Variants in CTSH observed in about 807,000 individuals in gnomAD.
CTSH encodes cathepsin H.
Under a neutral mutation model 56.3 loss-of-function variants are expected in CTSH, and 52 were observed. The ratio of observed to expected loss-of-function variants is 0.92; its 90% CI spans 0.74 to 1.16. The LOEUF is 1.16. CTSH is among the 50% of genes most tolerant of loss of function. CTSH has a pLI of 0.00. For synonymous variants in CTSH, 174 were observed against 155.7 expected (o/e 1.12, Z -0.88); for missense variants, 406 against 424.5 (o/e 0.96, Z 0.38).
chr15:78,940,746 G>T (rs948977471), intron 1 of CTSH, among the ~76,000 whole-genome samples: 5 of 151,834 alleles, frequency 3.3e-5, no homozygotes, highest in Non-Finnish European at 7.4e-5. Flanking sequence ...ATCACCTGAG[G>T]TCAGGAGCTC....
intron 1 of CTSH, 68 bp from the exon 2 acceptor site, chr15:78,939,239 G>A: frequency 3.0e-6 from 4 of 1,327,920 alleles, no homozygotes; most frequent in Non-Finnish European, 4.2e-6. Context: ...GCAAAGTAGG[G>A]CACTTTAGAA....
chr15:78,940,697 G>A (rs756059862), intron 1 of CTSH, among the ~76,000 whole-genome samples: 12 of 152,158 alleles, frequency 7.9e-5, no homozygotes, highest in South Asian at 6.2e-4. Flanking sequence ...GGTGGCTCAC[G>A]CCTGTAATCC....
chr15:78,941,825 T>A (rs964201782), intron 1 of CTSH, among the ~76,000 whole-genome samples: 2 of 152,048 alleles, frequency 1.3e-5, no homozygotes, highest in Non-Finnish European at 2.9e-5. Flanking sequence ...TATTCTGGAT[T>A]GAGTAATCAT....
At chr15:78,936,214 G>A (rs1455847108) in intron 3 of CTSH, among the ~76,000 whole-genome samples, 8 of 129,232 alleles carry the variant, frequency 6.2e-5, no homozygotes, top group Admixed American at 2.9e-4. Context: ...ACAGAGTCTC[G>A]CTCTGTCACC....
At chr15:78,935,174 A>G (rs1156661168) in intron 4 of CTSH, 92 bp from the exon 5 acceptor site, 2 of 839,226 alleles carry the variant, frequency 2.4e-6, no homozygotes, top group East Asian at 2.5e-5. Context: ...ACATGGAATC[A>G]CCAAGAGAGA....
chr15:78,926,268 C>G (rs1043418723), intron 9 of CTSH: 1 of 152,434 alleles, frequency 6.6e-6, no homozygotes, highest in Non-Finnish European at 1.5e-5. Context: ...GAGGGGTGGA[C>G]AGAGACCCAG....
chr15:78,925,525 G>A (rs2054885550), intron 9 of CTSH, 85 bp from the exon 10 acceptor site: 1 of 883,278 alleles, frequency 1.1e-6, no homozygotes, highest in South Asian at 1.4e-5. Context: ...TCAAGCTAGG[G>A]GCTAGAGGCC....
At chr15:78,929,313 G>A in intron 8 of CTSH, 99 bp downstream of exon 8, 1 of 889,194 alleles carries the variant, frequency 1.1e-6, no homozygotes. Flanking sequence ...TCCGGCGGGA[G>A]GGAGGTGGGG....
chr15:78,930,244 G>C (rs887762342), intron 7 of CTSH, among the ~76,000 whole-genome samples: 2 of 152,252 alleles, frequency 1.3e-5, no homozygotes, highest in Non-Finnish European at 2.9e-5. Flanking sequence ...TTGAAAAACA[G>C]GCTGGATGTG....
chr15:78,922,717 A>G (rs373844744), intron 11 of CTSH, among the ~76,000 whole-genome samples: 1 of 152,170 alleles, frequency 6.6e-6, no homozygotes, highest in Admixed American at 6.5e-5. Context: ...CAGAGTTCCA[A>G]GTTCTGAGCT....
In CTSH at chr15:78,931,415, G is replaced by A. The variant is rs373326013; in HGVS notation, c.548+36C>T. 7 of 1,613,628 alleles carry A rather than the reference G, an allele frequency of 4.3e-6. No individual in the cohort carries two copies. The African/African-American group carries it at 5.3e-5, about 12-fold the overall frequency. On this transcript the variant is annotated intron_variant, in intron 7 of 11. Coordinates refer to ENST00000220166, the MANE Select transcript of CTSH (RefSeq NM_004390.5). ...CCTGTCGAAGCGGTCAGTGGGAAATGAGGAAGTTTTGGGCCCCTTCTGGTC... is the reference window on the plus strand; with the variant it reads ...CCTGTCGAAGCGGTCAGTGGGAAATAAGGAAGTTTTGGGCCCCTTCTGGTC...
chr15:78,921,863 A>T lies in CTSH; in HGVS notation c.*267T>A. On this transcript the variant is annotated 3_prime_UTR_variant, in exon 12 of 12. Transcript: ENST00000220166. ...TGTGGAAAGTAGCCCTTCTGGACAG[A>T]AAGAATATTCGTGGTCCATGTGGTT... is the stretch of plus-strand genomic sequence containing the variant. 1 of 501,160 alleles carries T rather than the reference A, an allele frequency of 2.0e-6. No homozygotes were observed. Among genetic ancestry groups the T allele is most frequent in the Non-Finnish European group, 3.6e-6 (1 of 280,284 alleles). The allele number at this position is 501,160 out of a possible 1,614,324, so 31.0% of individuals were successfully genotyped here.
intron 1 of CTSH, among the ~76,000 whole-genome samples, chr15:78,942,215 C>CTTTTT (rs35548397): frequency 9.1e-6 from 1 of 110,352 alleles, no homozygotes; most frequent in Non-Finnish European, 1.8e-5. Context: ...TTCTTTCCTT[C>CTTTTT]TTTTTTTTTT....
intron 3 of CTSH, 90 bp from the exon 4 acceptor site, chr15:78,935,840 C>T (rs1304451919): frequency 3.3e-6 from 3 of 919,158 alleles, no homozygotes; most frequent in Admixed American, 4.2e-5. Context: ...TCCTGTTTAC[C>T]TGTGTCGTAT....
Position 78,945,033 on chromosome 15 carries a change from C to T in CTSH, c.-52G>A. ...GCTCAGGGTCCGCGGAGGTGGCGGC[C>T]CAGAGCGTCAACTGGGAGCGCGGGG... On this transcript the variant is annotated 5_prime_UTR_variant, in exon 1 of 12. Coordinates refer to ENST00000220166, the MANE Select transcript of CTSH (RefSeq NM_004390.5). 5 of 1,433,416 alleles carry T rather than the reference C, an allele frequency of 3.5e-6. No homozygotes were observed. The highest frequency in any genetic ancestry group is 4.6e-6 in the Non-Finnish European group (5 of 1,086,484). The allele number at this position is 1,433,416 out of a possible 1,614,324, so 88.8% of individuals were successfully genotyped here.
intron 2 of CTSH, 106 bp from the exon 3 acceptor site, chr15:78,937,529 A>C: frequency 2.9e-6 from 4 of 1,361,564 alleles, no homozygotes; most frequent in Non-Finnish European, 4.0e-6. Flanking sequence ...TCTTTCTGCT[A>C]TGATTCTCAG....
chr15:78,939,029 G>T, intron 2 of CTSH, 111 bp downstream of exon 2: 1 of 1,006,530 alleles, frequency 9.9e-7, no homozygotes, highest in Non-Finnish European at 1.5e-6. Context: ...GACCCCACTA[G>T]GCAAAGTTGG....
chr15:78,929,319 T>A, intron 8 of CTSH, 93 bp downstream of exon 8: 2 of 859,398 alleles, frequency 2.3e-6, no homozygotes, highest in South Asian at 1.5e-5. Context: ...GGGAGGGAGG[T>A]GGGGGGAGAA....
At chr15:78,935,924 T>C (rs976150260) in intron 3 of CTSH, among the ~76,000 whole-genome samples, 174 bp from the exon 4 acceptor site, 1 of 152,216 alleles carries the variant, frequency 6.6e-6, no homozygotes, top group Admixed American at 6.5e-5. Context: ...AATCAGCCCT[T>C]ACAGTGCTGC....
Sources: gnomAD v4.1 joint callset for allele counts (sites outside exome capture counted in the v4.1 genomes callset) on GRCh38, gnomAD v4.1.1 for gene constraint, MANE v1.5 for transcripts, NCBI Gene and HGNC (gene_info 2026-07-23, HGNC 2026-07-21) for gene names.